FAAH2: variants seen among roughly 807,000 people sequenced by gnomAD.
FAAH2 encodes the protein fatty acid amide hydrolase 2.
FAAH2 carries 60 observed loss-of-function variants against 36.9 expected under a neutral mutation model. The observed-to-expected ratio is 1.63, with a 90% CI of 1.32 to 2.02. The LOEUF (loss-of-function observed/expected upper bound fraction) is 2.02, where lower values mean the gene tolerates loss of function less well. Ranked by LOEUF, FAAH2 falls within the 30% of genes most tolerant of loss-of-function variation. The pLI is 0.00. For synonymous variants in FAAH2, 214 were observed against 143.8 expected, an observed-to-expected ratio of 1.49 and a Z score of -3.49; for missense variants, 689 against 397.5, an observed-to-expected ratio of 1.73 and a Z score of -6.23.
intron 10 of FAAH2, among the ~76,000 whole-genome samples, chrX:57,476,899 G>A (rs1257842630): frequency 1.8e-5 from 2 of 109,392 alleles, no homozygotes; most frequent in African/African-American, 6.7e-5. Flanking sequence ...TCTATTCAGG[G>A]TTTCTAATTC....
At position 57,418,963 on chromosome X, in the gene FAAH2, C is replaced by T. The variant is rs1249026471; in HGVS notation, c.997-12955C>T. Among the ~76,000 whole-genome samples, 16 of 100,442 alleles carry T rather than the reference C, an allele frequency of 1.6e-4. No homozygotes were observed. The East Asian group carries it at 1.7e-3, about 10-fold the overall frequency. The allele number at this position is 100,442 out of a possible 115,157, so 87.2% of individuals were successfully genotyped here. A position where few individuals can be genotyped will look rare whatever the true frequency, so the allele number is the denominator to read the frequency against. ...ATTCCCACCTATGAGTGAGAACATG[C>T]GGTGTTTGGTTTTTTGTCCTTGTGA... On this transcript the variant is annotated intron_variant, in intron 7 of 10. Transcript: ENST00000374900.
At chrX:57,300,739 A>G (rs997477811) in intron 2 of FAAH2, among the ~76,000 whole-genome samples, 1 of 112,151 alleles carries the variant, frequency 8.9e-6, no homozygotes, top group Admixed American at 9.4e-5. Flanking sequence ...TCCAGAATCT[A>G]CAGTGAACTC....
intron 7 of FAAH2, chrX:57,392,805 G>T: frequency 1.5e-6 from 1 of 646,147 alleles, no homozygotes; most frequent in Non-Finnish European, 2.6e-6. Context: ...GAATCCTGTA[G>T]GGACACCTTT....
At position 57,412,211 on chromosome X, in the gene FAAH2, C is replaced by CT. The variant is rs1438987874; in HGVS notation, c.997-19699dup. On this transcript the variant is annotated intron_variant, in intron 7 of 10. Coordinates refer to ENST00000374900, the MANE Select transcript of FAAH2 (RefSeq NM_174912.4). ...TACCAAACACTAGATTTTATTCTTT[C>CT]TTTTTTTTAAATTATATTTTAAGTT... is the stretch of plus-strand genomic sequence containing the variant. Among the ~76,000 whole-genome samples the CT allele has an allele frequency of 3.8e-4, 42 of 111,168 alleles. 1 individual carries two copies. Among genetic ancestry groups the CT allele is most frequent in the Middle Eastern group, 4.7e-3 (1 of 215 alleles).
At chrX:57,139,026 G>T in the FAAH2 span, among the ~76,000 whole-genome samples, 1 of 111,723 alleles carries the variant, frequency 9.0e-6, no homozygotes, top group Non-Finnish European at 1.9e-5. Context: ...TTCATTTTAT[G>T]ATTGTTTCCT....
intron 10 of FAAH2, among the ~76,000 whole-genome samples, chrX:57,452,814 G>A (rs752574032): frequency 5.4e-5 from 6 of 112,024 alleles, no homozygotes; most frequent in Middle Eastern, 4.6e-3. Flanking sequence ...AAATTCAGGA[G>A]CATTTATTCA....
chrX:57,300,680 A>G (rs1054330618), intron 2 of FAAH2, among the ~76,000 whole-genome samples: 3 of 111,651 alleles, frequency 2.7e-5, no homozygotes, highest in East Asian at 2.8e-4. Context: ...GCAACCTACA[A>G]AATGGGAGAA....
the FAAH2 span, among the ~76,000 whole-genome samples, chrX:57,212,474 T>C: frequency 1.8e-5 from 2 of 111,598 alleles, no homozygotes; most frequent in African/African-American, 6.5e-5. Context: ...AAATAAAAAA[T>C]CAATTCAGGA....
At chrX:57,222,334 C>A in the FAAH2 span, among the ~76,000 whole-genome samples, 1 of 111,676 alleles carries the variant, frequency 9.0e-6, no homozygotes, top group East Asian at 2.8e-4. Context: ...GCTCTCACCT[C>A]AGCCTCATCC....
chrX:57,455,792 T>A (rs1449318983), intron 10 of FAAH2, among the ~76,000 whole-genome samples: 1 of 112,187 alleles, frequency 8.9e-6, no homozygotes, highest in Non-Finnish European at 1.9e-5. Flanking sequence ...TAGAAGTACC[T>A]GGATTCATAA....
At chrX:57,158,580 G>A in the FAAH2 span, among the ~76,000 whole-genome samples, 32 of 111,993 alleles carry the variant, frequency 2.9e-4, 2 homozygotes, top group Non-Finnish European at 1.5e-4. Flanking sequence ...GTTTTGATTT[G>A]CATTTCTCTG....
At chrX:57,172,152 A>T in the FAAH2 span, among the ~76,000 whole-genome samples, 10 of 112,369 alleles carry the variant, frequency 8.9e-5, no homozygotes, top group East Asian at 2.5e-3. Context: ...TGGTTGCTAT[A>T]GCCTTGTAGT....
the FAAH2 span, among the ~76,000 whole-genome samples, chrX:57,250,290 A>T: frequency 2.7e-5 from 3 of 111,931 alleles, no homozygotes; most frequent in Admixed American, 2.9e-4. Flanking sequence ...CACATTAAGT[A>T]GAAGCTATCA....
the FAAH2 span, among the ~76,000 whole-genome samples, chrX:57,167,596 G>A: frequency 1.8e-5 from 2 of 111,089 alleles, no homozygotes; most frequent in African/African-American, 6.6e-5. Context: ...GCAGAGAAAG[G>A]TGTTAGCCCA....
intron 5 of FAAH2, among the ~76,000 whole-genome samples, chrX:57,350,792 A>C (rs963299163): frequency 8.1e-5 from 9 of 111,293 alleles, no homozygotes; most frequent in African/African-American, 2.9e-4. Flanking sequence ...CAGCAAGAGA[A>C]TGTAACAATT....
intron 7 of FAAH2, among the ~76,000 whole-genome samples, chrX:57,392,120 A>C (rs960748593): frequency 8.1e-5 from 9 of 111,517 alleles, no homozygotes; most frequent in African/African-American, 2.6e-4. Flanking sequence ...GTTTAATGCT[A>C]TTGGTGTATC....
the FAAH2 span, among the ~76,000 whole-genome samples, chrX:57,156,368 A>G: frequency 8.9e-6 from 1 of 111,794 alleles, no homozygotes; most frequent in Non-Finnish European, 1.9e-5. Flanking sequence ...CTGGCACTTC[A>G]GGATTGGTTT....
At chrX:57,398,130 C>T (rs1007733239) in intron 7 of FAAH2, among the ~76,000 whole-genome samples, 4 of 111,637 alleles carry the variant, frequency 3.6e-5, no homozygotes, top group Admixed American at 1.9e-4. Flanking sequence ...TACCATTTGA[C>T]CCAGCCGTCC....
At chrX:57,254,389 T>A in the FAAH2 span, among the ~76,000 whole-genome samples, 6 of 111,461 alleles carry the variant, frequency 5.4e-5, no homozygotes, top group Non-Finnish European at 1.1e-4. Context: ...AACAAGAATA[T>A]CCAGGATTTG....
Sources: allele counts gnomAD v4.1 joint callset (sites outside exome capture counted in the v4.1 genomes callset), GRCh38; gene constraint gnomAD v4.1.1; transcripts MANE v1.5; gene names NCBI Gene and HGNC (gene_info 2026-07-23, HGNC 2026-07-21).